SRPK2: variants seen among roughly 807,000 people sequenced by gnomAD.
SRPK2 encodes SFRS protein kinase 2.
A neutral mutation model predicts 90.8 loss-of-function variants in SRPK2; 21 were observed. That is an observed-to-expected ratio of 0.23 (90% confidence interval 0.16 to 0.33). The LOEUF is 0.33. Among genes scored for constraint, SRPK2 ranks in the 10% least tolerant of loss-of-function variants. The pLI, the probability that SRPK2 is intolerant of heterozygous loss-of-function variation, is 1.00. For missense variants in SRPK2, 620 were observed against 869.0 expected (o/e 0.71, Z 3.60); for synonymous variants, 288 against 311.1 (o/e 0.93, Z 0.78).
intron 2 of SRPK2, among the ~76,000 whole-genome samples, chr7:105,230,585 T>A (rs781459695): frequency 6.6e-6 from 1 of 152,216 alleles, no homozygotes; most frequent in Non-Finnish European, 1.5e-5. Flanking sequence ...ATAAAGGACA[T>A]GTATACCAAC....
At chr7:105,222,294 T>G (rs1255631980) in intron 2 of SRPK2, among the ~76,000 whole-genome samples, 1 of 152,210 alleles carries the variant, frequency 6.6e-6, no homozygotes, top group African/African-American at 2.4e-5. Flanking sequence ...TTAAACTGCT[T>G]CTGATGCCCT....
chr7:105,125,806 A>T (rs1162138654), intron 15 of SRPK2: 3 of 1,288,882 alleles, frequency 2.3e-6, no homozygotes, highest in Non-Finnish European at 3.0e-6. Flanking sequence ...AACTCCTTGG[A>T]GTATTTCCCC....
intron 2 of SRPK2, among the ~76,000 whole-genome samples, chr7:105,246,699 A>G (rs1292929476): frequency 1.3e-5 from 2 of 152,218 alleles, no homozygotes; most frequent in African/African-American, 2.4e-5. Context: ...CTAATCAAAG[A>G]CAGAAACCTT....
At chr7:105,131,372 C>A (rs982652392) in intron 13 of SRPK2, among the ~76,000 whole-genome samples, 1 of 152,208 alleles carries the variant, frequency 6.6e-6, no homozygotes, top group Non-Finnish European at 1.5e-5. Context: ...ACACAGCACT[C>A]TCTAAATTCA....
chr7:105,223,280 A>C (rs1798325921), intron 2 of SRPK2, among the ~76,000 whole-genome samples: 1 of 152,258 alleles, frequency 6.6e-6, no homozygotes, highest in Non-Finnish European at 1.5e-5. Context: ...TAATGTGAGC[A>C]AACCTGAAAA....
At position 105,142,309 on chromosome 7, in the gene SRPK2, A is replaced by C. The variant is rs778964570; in HGVS notation, c.1242T>G (p.Asp414Glu). 2 of 1,614,154 alleles carry C rather than the reference A, an allele frequency of 1.2e-6. No individual in the cohort carries two copies. Among genetic ancestry groups the C allele is most frequent in the Non-Finnish European group, 1.7e-6 (2 of 1,180,020 alleles). The change falls in exon 11 of 16, where the codon GAT becomes GAG. Residue 414 changes from aspartate (D) to glutamate (E), a missense_variant. This residue lies in a region of SRPK2 where 243 missense variants were observed against 245.7 expected (regional missense o/e 0.99). Coordinates refer to ENST00000393651, the MANE Select transcript of SRPK2 (RefSeq NM_182692.3). ...CAGGATTTGGGCAGTCTTCTTCATC[A>C]TCATCTTCATCGTCCAGTTGCTGCT... is the stretch of plus-strand genomic sequence containing the variant. ...SLEQQLDDED[D>E]DEEDCPNPEE...
chr7:105,320,436 T>C (rs575590446), intron 2 of SRPK2, among the ~76,000 whole-genome samples: 90 of 152,250 alleles, frequency 5.9e-4, no homozygotes, highest in African/African-American at 2.1e-3. Flanking sequence ...TGTTTTTCAG[T>C]TTAAAAACAC....
chr7:105,302,462 T>C (rs1309590924), intron 2 of SRPK2, among the ~76,000 whole-genome samples: 3 of 152,220 alleles, frequency 2.0e-5, no homozygotes, highest in African/African-American at 7.2e-5. Flanking sequence ...AGCCAAGTAC[T>C]CAGTGAACAG....
intron 2 of SRPK2, among the ~76,000 whole-genome samples, chr7:105,340,999 G>T (rs879301987): frequency 6.6e-6 from 1 of 152,058 alleles, no homozygotes; most frequent in African/African-American, 2.4e-5. Context: ...AGTGATTAAC[G>T]GATGATGTCA....
chr7:105,328,916 T>C (rs1485767399), intron 2 of SRPK2, among the ~76,000 whole-genome samples: 3 of 150,688 alleles, frequency 2.0e-5, no homozygotes, highest in East Asian at 1.9e-4. Context: ...TGCAGTGACA[T>C]GTACCTGTAA....
intron 2 of SRPK2, among the ~76,000 whole-genome samples, chr7:105,373,615 C>T (rs543971102): frequency 6.6e-6 from 1 of 152,050 alleles, no homozygotes; most frequent in African/African-American, 2.4e-5. Flanking sequence ...GTTGGCCAGG[C>T]TGGTCTCGAA....
intron 3 of SRPK2, among the ~76,000 whole-genome samples, 169 bp from the exon 4 acceptor site, chr7:105,169,434 GAA>G (rs1374514254): frequency 6.6e-6 from 1 of 152,052 alleles, no homozygotes; most frequent in African/African-American, 2.4e-5. Flanking sequence ...CTTTCAACAA[GAA>G]AAAGTGTTGG....
intron 2 of SRPK2, among the ~76,000 whole-genome samples, chr7:105,328,736 G>A (rs1813904811): frequency 6.6e-6 from 1 of 151,436 alleles, no homozygotes; most frequent in South Asian, 2.1e-4. Context: ...ATAGCGGCAG[G>A]CACCTGTAGT....
intron 3 of SRPK2, among the ~76,000 whole-genome samples, chr7:105,176,696 T>G (rs983527800): frequency 1.7e-5 from 1 of 59,458 alleles, no homozygotes; most frequent in African/African-American, 6.4e-5. Context: ...TGTGTACATA[T>G]ATATGTATGT....
chr7:105,142,055 T>C lies in SRPK2; in HGVS notation c.1496A>G (p.Asp499Gly). 2 of 1,614,100 alleles carry C rather than the reference T, an allele frequency of 1.2e-6. No individual in the cohort carries two copies. The highest frequency in any genetic ancestry group is 1.7e-6 in the Non-Finnish European group (2 of 1,179,994). The change falls in exon 11 of 16, where the codon GAC (aspartate) becomes GGC (glycine). Residue 499 changes from aspartate (D) to glycine (G), a missense_variant. Physicochemically the swap from Asp to Gly is moderately conservative, Grantham distance 94 (BLOSUM62 -1). This residue lies in a region of SRPK2 where 243 missense variants were observed against 245.7 expected (regional missense o/e 0.99). Transcript: ENST00000393651. ...TEQEESSPSH[D>G]RSRTVSASST... ...GGAGGCTGAAACCGTTCTGCTTCTGTCATGGGATGGACTGCTCTCCTCTTG... is the reference window on the plus strand; with the variant it reads ...GGAGGCTGAAACCGTTCTGCTTCTGCCATGGGATGGACTGCTCTCCTCTTG...
chr7:105,285,230 T>A (rs1807912770), intron 2 of SRPK2, among the ~76,000 whole-genome samples: 1 of 151,150 alleles, frequency 6.6e-6, no homozygotes, highest in African/African-American at 2.4e-5. Flanking sequence ...TACAAAAAAA[T>A]CAAAAATTAG....
rs564116369 is a variant in SRPK2, at chr7:105,167,270, G to A, written c.514+107C>T. On this transcript the variant is annotated intron_variant, in intron 6 of 15. Coordinates refer to ENST00000393651, the MANE Select transcript of SRPK2 (RefSeq NM_182692.3). ...CATAATACTTGACAATGTTCCTAGA[G>A]TGTTTATGTTGAAGGTGATACAGCA... 40 of 850,050 alleles carry A rather than the reference G, an allele frequency of 4.7e-5. No homozygotes were observed. In the African/African-American group the frequency reaches 5.2e-4, roughly 11 times the overall value. 52.7% of individuals were successfully genotyped at this position (850,050 alleles called of 1,614,324 possible).
At chr7:105,124,921 C>A (rs1484089067) in intron 15 of SRPK2, among the ~76,000 whole-genome samples, 1 of 151,730 alleles carries the variant, frequency 6.6e-6, no homozygotes, top group African/African-American at 2.4e-5. Flanking sequence ...CACTTGAGGT[C>A]AGGAGTTTGA....
chr7:105,309,985 G>A (rs535074175), intron 2 of SRPK2, among the ~76,000 whole-genome samples: 16 of 152,330 alleles, frequency 1.1e-4, no homozygotes, highest in Non-Finnish European at 1.8e-4. Flanking sequence ...ACAGAGGTAG[G>A]CAAAGGAACT....
Sources: gnomAD v4.1 joint callset for allele counts (sites outside exome capture counted in the v4.1 genomes callset) on GRCh38, gnomAD v4.1.1 for gene constraint, gnomAD v4.1.1 regional missense constraint, MANE v1.5 for transcripts, NCBI Gene and HGNC (gene_info 2026-07-23, HGNC 2026-07-21) for gene names.